ACTR8: variants seen among roughly 807,000 people sequenced by gnomAD.
ACTR8 encodes actin related protein 8.
Under a neutral mutation model 84.3 loss-of-function variants are expected in ACTR8, and 70 were observed. The ratio of observed to expected loss-of-function variants is 0.83; its 90% CI spans 0.68 to 1.01. The LOEUF is 1.01. Among genes scored for constraint, ACTR8 ranks in the 50% least tolerant of loss-of-function variants. The pLI is 0.00. For missense variants in ACTR8, 672 were observed against 775.4 expected, an observed-to-expected ratio of 0.87 and a Z score of 1.58; for synonymous variants, 268 against 275.2, an observed-to-expected ratio of 0.97 and a Z score of 0.26.
rs1026520095 is a variant in ACTR8, at chr3:53,870,276, C to A, written c.1568-131G>T. The A allele has an allele frequency of 7.5e-6, 8 of 1,068,428 alleles. No homozygotes were observed. The highest frequency in any genetic ancestry group is 4.7e-5 in the African/African-American group (3 of 63,186). 66.2% of individuals were successfully genotyped at this position (1,068,428 alleles called of 1,614,324 possible). ...ATTTCCCTCCAGCCCACCCTCCACA[C>A]TGCAGCCAGGGGAACCCTACGAAAC... On this transcript the variant is annotated intron_variant, in intron 11 of 12. Transcript: ENST00000335754. The surrounding 1 kb of genome is among the most constrained non-coding windows in gnomAD (Gnocchi z 4.1).
In ACTR8 at chr3:53,871,241, C is replaced by A; in HGVS notation, c.1558G>T (p.Asp520Tyr). The A allele has an allele frequency of 6.2e-7, 1 of 1,613,160 alleles. No individual in the cohort carries two copies. Among genetic ancestry groups the A allele is most frequent in the South Asian group, 1.1e-5 (1 of 91,072 alleles). ...GLDKAILHSI[D>Y]CCSSDDTKKK... The stretch of plus-strand genomic sequence containing the variant: ...CCCCAGATGTGCTTACAACAGCAGT[C>A]TATGCTATGGAGGATGGCTTTATCC... Residue 520 changes from aspartate (D) to tyrosine (Y), a missense_variant, in exon 11 of 13, where the codon GAC becomes TAC. Physicochemically the swap from Asp to Tyr is radical, Grantham distance 160. Coordinates refer to ENST00000335754, the MANE Select transcript of ACTR8 (RefSeq NM_022899.5).
At chr3:53,862,639 G>T (rs895854262), downstream of ACTR8, among the ~76,000 whole-genome samples, 1 of 152,214 alleles carries the variant, frequency 6.6e-6, no homozygotes, top group East Asian at 1.9e-4. Context: ...TGCTGGAGAC[G>T]AGTGCTTCCC....
chr3:53,861,198 C>T, the ACTR8 span: 5 of 152,014 alleles, frequency 3.3e-5, no homozygotes, highest in Non-Finnish European at 5.9e-5. Flanking sequence ...AGTGCAATAT[C>T]GTAAACCTTC....
At chr3:53,875,810 T>A in intron 7 of ACTR8, 138 bp downstream of exon 7, 1 of 1,310,106 alleles carries the variant, frequency 7.6e-7, no homozygotes, top group East Asian at 2.4e-5. Context: ...TGCACTTCCA[T>A]AATCTTGCTG....
chr3:53,877,680 T>A lies in ACTR8; in HGVS notation c.477A>T (p.Thr159=). 1.2e-6 allele frequency: 2 copies of A among 1,614,142 alleles called. No homozygotes were observed. Among genetic ancestry groups the A allele is most frequent in the Non-Finnish European group, 8.5e-7 (1 of 1,179,986 alleles). Residue 159 remains threonine, a synonymous_variant, in exon 4 of 13, where the codon ACA becomes ACT. Transcript: ENST00000335754. ...DHCSGNKWTN[T]SHHPEYLVGE... ...CTACTAAATACTCAGGGTGATGAGA[T>A]GTGTTTGTCCACTTATTTCCCGAAC...
At chr3:53,873,201 C>T (rs1699915076) in intron 8 of ACTR8, 74 bp from the exon 9 acceptor site, 3 of 1,180,308 alleles carry the variant, frequency 2.5e-6, no homozygotes, top group African/African-American at 3.0e-5. Flanking sequence ...GCTTCAGCCT[C>T]ACCATCATCT....
At chr3:53,881,529 T>C (rs1231760340) in intron 1 of ACTR8, 1 of 210,994 alleles carries the variant, frequency 4.7e-6, no homozygotes, top group Non-Finnish European at 9.7e-6. Flanking sequence ...GAGATTTCCT[T>C]AACAAAGGAA....
At chr3:53,860,077 A>T in the ACTR8 span, 37 of 1,177,812 alleles carry the variant, frequency 3.1e-5, no homozygotes, top group East Asian at 2.3e-4. Flanking sequence ...TTTTAAATTA[A>T]GAGATAAGTG....
chr3:53,880,805 G>A (rs1054496442), intron 1 of ACTR8, among the ~76,000 whole-genome samples: 4 of 152,136 alleles, frequency 2.6e-5, no homozygotes, highest in African/African-American at 9.7e-5. Context: ...TCCTCCCTCT[G>A]GTTAGCTCCT....
At chr3:53,876,767 A>G (rs553476236) in intron 5 of ACTR8, 54 bp from the exon 6 acceptor site, 2 of 918,448 alleles carry the variant, frequency 2.2e-6, no homozygotes, top group East Asian at 5.3e-5. Flanking sequence ...GTCAGGTCAA[A>G]TTCACACTCC....
At chr3:53,865,292 G>A (rs777395445), downstream of ACTR8, 2 of 1,605,354 alleles carry the variant, frequency 1.2e-6, no homozygotes, top group Non-Finnish European at 1.7e-6. Context: ...TGCCACGATG[G>A]CTGCTGCTCC....
At chr3:53,881,914 G>C (rs1700070435) in intron 1 of ACTR8, 65 bp downstream of exon 1, 4 of 1,547,448 alleles carry the variant, frequency 2.6e-6, no homozygotes, top group East Asian at 2.4e-5. Context: ...GCCGCCTCCC[G>C]CCCCTTGCCT....
intron 4 of ACTR8, 130 bp from the exon 5 acceptor site, chr3:53,877,517 T>C: frequency 7.7e-7 from 1 of 1,292,680 alleles, no homozygotes; most frequent in Non-Finnish European, 1.1e-6. Flanking sequence ...GGAGTCGGTG[T>C]GACTATCTGG....
Position 53,872,450 on chromosome 3 carries a change from A to G in ACTR8, c.1236T>C (p.Ser412=). 1 of 1,612,076 alleles carries G rather than the reference A, an allele frequency of 6.2e-7. No individual in the cohort carries two copies. Among genetic ancestry groups the G allele is most frequent in the African/African-American group, 1.3e-5 (1 of 74,898 alleles). The part of the protein sequence containing the change: ...GQKMTTLQHR[S]QGDPEDPHDE... The stretch of plus-strand genomic sequence containing the variant: ...CGTGAGGATCCTCAGGATCGCCCTG[A>G]GATCTGTGCTGCAAAGTCGTCATTT... The change falls in exon 10 of 13, where the codon TCT becomes TCC. Residue 412 remains serine (S), a synonymous_variant. Coordinates refer to ENST00000335754, the MANE Select transcript of ACTR8 (RefSeq NM_022899.5).
At chr3:53,863,821 A>ATTTTT (rs11318618), downstream of ACTR8, among the ~76,000 whole-genome samples, 1 of 138,316 alleles carries the variant, frequency 7.2e-6, no homozygotes, top group Non-Finnish European at 1.6e-5. Context: ...ACCTCAAAGT[A>ATTTTT]TTTTTTTTTT....
Position 53,867,835 on chromosome 3 carries a change from A to C in ACTR8, c.*884T>G, listed in dbSNP as rs1363077186. 1 of 152,220 alleles carries C rather than the reference A, an allele frequency of 6.6e-6. No individual in the cohort carries two copies. The allele number at this position is 152,220 out of a possible 1,614,324, so 9.4% of individuals were successfully genotyped here. On this transcript the variant is annotated 3_prime_UTR_variant, in exon 13 of 13. Transcript: ENST00000335754. ...TCAGAGGTTAAGGTTAACTGATCATACTGAACATCATGAACTCCAAAAGCT... is the reference window on the plus strand; with the variant it reads ...TCAGAGGTTAAGGTTAACTGATCATCCTGAACATCATGAACTCCAAAAGCT...
intron 10 of ACTR8, 87 bp downstream of exon 10, chr3:53,872,297 G>A: frequency 7.3e-7 from 1 of 1,363,256 alleles, no homozygotes; most frequent in Non-Finnish European, 9.7e-7. Context: ...CTGGAAGATA[G>A]AACTGATTAC....
rs139765490 is a variant in ACTR8, at chr3:53,880,004, G to T, written c.229C>A (p.Arg77=). ...LPASIPHVIA[R]RHKQQGQPLY... ...GGCTGCCCTTGTTGTTTGTGTCTTC[G>T]GGCAATGACGTGAGGAATGCTGGCA... is the stretch of plus-strand genomic sequence containing the variant. The change falls in exon 2 of 13, where the codon CGA becomes AGA. Residue 77 remains arginine, a synonymous_variant. Coordinates refer to ENST00000335754, the MANE Select transcript of ACTR8 (RefSeq NM_022899.5). 1.1e-5 allele frequency: 17 copies of T among 1,613,984 alleles called. No homozygotes were observed. Among genetic ancestry groups the T allele is most frequent in the Middle Eastern group, 1.6e-4 (1 of 6,084 alleles).
intron 7 of ACTR8, among the ~76,000 whole-genome samples, chr3:53,874,722 T>C (rs1291769733): frequency 6.7e-6 from 1 of 149,104 alleles, no homozygotes; most frequent in Non-Finnish European, 1.5e-5. Flanking sequence ...TAAGATTCTA[T>C]CTAAAAAAAA....
Sources: allele counts gnomAD v4.1 joint callset (sites outside exome capture counted in the v4.1 genomes callset), GRCh38; gene constraint gnomAD v4.1.1; non-coding constraint Gnocchi (gnomAD v3.1); transcripts MANE v1.5; gene names NCBI Gene and HGNC (gene_info 2026-07-23, HGNC 2026-07-21).